GSPT1: variants seen among roughly 807,000 people sequenced by gnomAD.
GSPT1 encodes eukaryotic peptide chain release factor GTP-binding subunit ERF3A.
In GSPT1, 20 loss-of-function variants were observed where a neutral mutation model predicts 72.5. The observed-to-expected ratio is 0.28, with a 90% CI of 0.19 to 0.40. GSPT1 has a LOEUF of 0.40. Ranked by LOEUF, GSPT1 falls within the 10% of genes least tolerant of loss-of-function variation. The probability of loss-of-function intolerance (pLI) is 1.00; values close to 1 mark genes in which losing one functional copy is unlikely to be tolerated. For synonymous variants in GSPT1, 334 were observed against 293.5 expected (o/e 1.14, Z -1.41); for missense variants, 580 against 811.9 (o/e 0.71, Z 3.47).
At chr16:11,897,554 C>A (rs1180900134) in intron 3 of GSPT1, among the ~76,000 whole-genome samples, 2 of 152,134 alleles carry the variant, frequency 1.3e-5, no homozygotes, top group African/African-American at 4.8e-5. Flanking sequence ...CACTACACTC[C>A]AGCCTGGGCG....
At position 11,896,572 on chromosome 16, in the gene GSPT1, A is replaced by C. The variant is rs182485285; in HGVS notation, c.650T>G (p.Phe217Cys). 2 of 1,593,884 alleles carry C rather than the reference A, an allele frequency of 1.3e-6. No individual in the cohort carries two copies. The highest frequency in any genetic ancestry group is 1.3e-5 in the African/African-American group (1 of 74,830). Residue 217 changes from phenylalanine to cysteine, a missense_variant, in exon 4 of 15, where the codon TTC (phenylalanine) becomes TGC (cysteine). Phe to Cys is a radical substitution (Grantham distance 205). Transcript: ENST00000434724. ...APKKEHVNVV[F>C]IGHVDAGKST... is the part of the protein sequence containing the mutation. ...GAGCAGCTTACCTACGTGCCCAATGAATACTACATTTACATGCTCTTTCTT... is the reference window on the plus strand; with the variant it reads ...GAGCAGCTTACCTACGTGCCCAATGCATACTACATTTACATGCTCTTTCTT...
chr16:11,874,844 T>C (rs1339893265), intron 14 of GSPT1, among the ~76,000 whole-genome samples: 1 of 152,218 alleles, frequency 6.6e-6, no homozygotes, highest in Non-Finnish European at 1.5e-5. Flanking sequence ...AATGGAACTA[T>C]AAAGTTTTAT....
intron 10 of GSPT1, among the ~76,000 whole-genome samples, chr16:11,884,758 C>T (rs1325892124): frequency 2.9e-5 from 3 of 103,648 alleles, no homozygotes; most frequent in East Asian, 3.1e-4. Flanking sequence ...AGTGAGACTC[C>T]GTCTCAAAAA....
intron 11 of GSPT1, chr16:11,881,514 C>A (rs1345988293): frequency 6.6e-6 from 1 of 152,066 alleles, no homozygotes; most frequent in East Asian, 1.9e-4. Flanking sequence ...AGTGTATTCA[C>A]CATGTTGTAC....
chr16:11,906,643 A>G (rs147352922), intron 1 of GSPT1, among the ~76,000 whole-genome samples: 1 of 152,280 alleles, frequency 6.6e-6, no homozygotes, highest in African/African-American at 2.4e-5. Context: ...CAAAAAACAA[A>G]ATTAAAGAAA....
chr16:11,896,375 T>C (rs1287645443), intron 4 of GSPT1, among the ~76,000 whole-genome samples, 183 bp downstream of exon 4: 1 of 152,218 alleles, frequency 6.6e-6, no homozygotes, highest in Admixed American at 6.5e-5. Flanking sequence ...GAATTATTCA[T>C]TTGCCTAAAC....
intron 1 of GSPT1, among the ~76,000 whole-genome samples, chr16:11,902,425 AAG>A (rs1555505453): frequency 5.4e-5 from 8 of 149,388 alleles, no homozygotes; most frequent in Admixed American, 3.3e-4. Context: ...AAAAAAAAAA[AAG>A]AGGCAAAACT....
chr16:11,882,610 G>C (rs1481324352), intron 11 of GSPT1: 1 of 157,032 alleles, frequency 6.4e-6, no homozygotes, highest in Non-Finnish European at 1.4e-5. Context: ...AGCTGTTAGA[G>C]AAGCCCTGCC....
At chr16:11,889,078 G>A (rs2054220767) in intron 6 of GSPT1, among the ~76,000 whole-genome samples, 1 of 152,098 alleles carries the variant, frequency 6.6e-6, no homozygotes. Context: ...GGAGGCTGAG[G>A]CAGGCAGATC....
intron 14 of GSPT1, among the ~76,000 whole-genome samples, chr16:11,873,831 C>T (rs1424220994): frequency 3.3e-5 from 5 of 152,144 alleles, no homozygotes; most frequent in Admixed American, 1.3e-4. Context: ...TCAGGTGATC[C>T]GCCTGCCTCG....
Position 11,891,053 on chromosome 16 carries a change from TTACTA to T in GSPT1, c.776+4_776+8del. The stretch of plus-strand genomic sequence containing the variant: ...AGTAATTTATAAGTGTCATAAAAGT[TTACTA>T]TACCAAGTTTCTCTGTTTTTCTCTT... On this transcript the variant is annotated splice_donor_5th_base_variant and intron_variant, in intron 6 of 14. Coordinates refer to ENST00000434724, the MANE Select transcript of GSPT1 (RefSeq NM_002094.4). 5 of 1,307,320 alleles carry T rather than the reference TTACTA, an allele frequency of 3.8e-6. No individual in the cohort carries two copies. Among genetic ancestry groups the T allele is most frequent in the Non-Finnish European group, 5.4e-6 (5 of 934,066 alleles). The allele number at this position is 1,307,320 out of a possible 1,614,324, so 81.0% of individuals were successfully genotyped here.
rs2054141670 is a variant in GSPT1, at chr16:11,883,109, A to G, written c.1348-14T>C. ...AGTGCCCATATCCTGATCAAATGTA[A>G]AATAAAATCCAGTTTCAGACTTCTT... On this transcript the variant is annotated splice_polypyrimidine_tract_variant and intron_variant, in intron 10 of 14. Transcript: ENST00000434724. The G allele has an allele frequency of 1.9e-6, 3 of 1,559,128 alleles. No homozygotes were observed. The East Asian group carries it at 6.7e-5, about 35-fold the overall frequency.
chr16:11,891,013 C>A (rs2054251747), intron 6 of GSPT1, 49 bp downstream of exon 6: 1 of 797,366 alleles, frequency 1.3e-6, no homozygotes, highest in Non-Finnish European at 2.1e-6. Context: ...ACTAAGTGGG[C>A]ATCGTCTCCT....
chr16:11,914,788 AGCCAAGT>A (rs971120441), intron 1 of GSPT1, among the ~76,000 whole-genome samples: 3 of 152,224 alleles, frequency 2.0e-5, no homozygotes, highest in African/African-American at 7.2e-5. Context: ...TGGTATTGAT[AGCCAAGT>A]TTCTGCCCGA....
chr16:11,898,620 T>C, intron 1 of GSPT1, among the ~76,000 whole-genome samples: 1 of 152,050 alleles, frequency 6.6e-6, no homozygotes, highest in East Asian at 1.9e-4. Context: ...CCCGGCTAAT[T>C]TTGTATTTTT....
chr16:11,878,667 T>C (rs996140440), intron 11 of GSPT1, among the ~76,000 whole-genome samples: 3 of 151,868 alleles, frequency 2.0e-5, no homozygotes, highest in African/African-American at 7.3e-5. Context: ...GATGCCAGTA[T>C]TGCTCCTCAG....
intron 1 of GSPT1, among the ~76,000 whole-genome samples, chr16:11,898,566 C>G (rs1357055469): frequency 6.6e-6 from 1 of 151,554 alleles, no homozygotes. Context: ...ATTCTCCTGC[C>G]TCAGCCTCCT....
intron 1 of GSPT1, among the ~76,000 whole-genome samples, chr16:11,914,408 C>T (rs929198719): frequency 1.3e-5 from 2 of 152,106 alleles, no homozygotes; most frequent in African/African-American, 2.4e-5. Context: ...CCCCTAAGTA[C>T]GGGAAGATGT....
intron 1 of GSPT1, among the ~76,000 whole-genome samples, chr16:11,905,649 A>G (rs1247117060): frequency 6.6e-6 from 1 of 152,162 alleles, no homozygotes; most frequent in Non-Finnish European, 1.5e-5. Flanking sequence ...AGCCTGGCCA[A>G]CGTGGTGAAA....
Sources: allele counts gnomAD v4.1 joint callset (sites outside exome capture counted in the v4.1 genomes callset), GRCh38; gene constraint gnomAD v4.1.1; transcripts MANE v1.5; gene names NCBI Gene and HGNC (gene_info 2026-07-23, HGNC 2026-07-21).